The following EHD1 variants were observed in gnomAD, a reference collection of about 807,000 sequenced individuals.
EHD1 encodes the protein EH domain-containing protein 1.
Under a neutral mutation model 39.0 loss-of-function variants are expected in EHD1, and 19 were observed. The ratio of observed to expected loss-of-function variants is 0.49; its 90% CI spans 0.34 to 0.72. The LOEUF is 0.72. Among genes scored for constraint, EHD1 ranks in the 30% least tolerant of loss-of-function variants. The pLI is 0.01. For synonymous variants in EHD1, 323 were observed against 331.2 expected (o/e 0.98, Z 0.27); for missense variants, 542 against 751.5 (o/e 0.72, Z 3.26).
rs540082688 is a variant in EHD1, at chr11:64,863,697, G to A, written c.503-3361C>T. Among the ~76,000 whole-genome samples the A allele has an allele frequency of 4.0e-4, 61 of 152,320 alleles. 1 individual carries two copies. Among genetic ancestry groups the A allele is most frequent in the African/African-American group, 1.4e-3 (59 of 41,568 alleles). On this transcript the variant is annotated intron_variant, in intron 2 of 4. Coordinates refer to ENST00000320631, the MANE Select transcript of EHD1 (RefSeq NM_006795.4). Reference sequence around the variant, plus strand: ...TCTGTGAGCCCAAAGCCACAGGGGCGCGGAGCCCCTCCCCACACCTGGCGC... The same window carrying A: ...TCTGTGAGCCCAAAGCCACAGGGGCACGGAGCCCCTCCCCACACCTGGCGC...
At chr11:64,874,362 C>A in intron 2 of EHD1, 59 bp downstream of exon 2, 2 of 1,339,710 alleles carry the variant, frequency 1.5e-6, no homozygotes, top group Non-Finnish European at 2.1e-6. Context: ...AGTTGCAGAT[C>A]TTAGAGAGAA....
chr11:64,855,917 CCGCT>C (rs1323735584), intron 3 of EHD1: 10 of 31,224 alleles, frequency 3.2e-4, no homozygotes, highest in African/African-American at 5.2e-4. Flanking sequence ...CACACACCCT[CCGCT>C]CAACCCTCAC....
chr11:64,878,183 G>A lies in EHD1; in HGVS notation c.282C>T (p.Thr94=), dbSNP rs747071264. The change falls in exon 1 of 5, where the codon ACC becomes ACT. Residue 94 remains threonine, a synonymous_variant. Transcript: ENST00000320631. ...PGMRIGPEPT[T]DSFIAVMHGP... is the part of the protein sequence containing the mutation. Reference sequence around the variant, plus strand: ...CGTGCATGACGGCGATGAAGGAGTCGGTGGTGGGCTCGGGCCCGATGCGCA... The same window carrying A: ...CGTGCATGACGGCGATGAAGGAGTCAGTGGTGGGCTCGGGCCCGATGCGCA... 44 of 1,605,372 alleles carry A rather than the reference G, an allele frequency of 2.7e-5. No homozygotes were observed. The East Asian group carries it at 8.5e-4, about 31-fold the overall frequency.
rs1480062745 is a variant in EHD1 at position 64,878,518 on chromosome 11, G to A, written c.-54C>T. On this transcript the variant is annotated 5_prime_UTR_variant, in exon 1 of 5. Coordinates refer to ENST00000320631, the MANE Select transcript of EHD1 (RefSeq NM_006795.4). ...GGGCAGAGCGGCGGCTGAGAGCGGGGCGAGGGTGCGGAGCCGAGGCGGGGC... is the reference window on the plus strand; with the variant it reads ...GGGCAGAGCGGCGGCTGAGAGCGGGACGAGGGTGCGGAGCCGAGGCGGGGC... 2.0e-6 allele frequency: 3 copies of A among 1,533,490 alleles called. No homozygotes were observed. The highest frequency in any genetic ancestry group is 2.3e-5 in the East Asian group (1 of 43,170). 95.0% of individuals were successfully genotyped at this position (1,533,490 alleles called of 1,614,324 possible).
chr11:64,857,024 G>C lies in EHD1; in HGVS notation c.916-1538C>G, dbSNP rs191715621. Among the ~76,000 whole-genome samples, 697 of 152,344 alleles carry C rather than the reference G, an allele frequency of 4.6e-3. 12 individuals carry two copies. Among genetic ancestry groups the C allele is most frequent in the Non-Finnish European group, 3.4e-3 (229 of 68,036 alleles). On this transcript the variant is annotated intron_variant, in intron 3 of 4. Coordinates refer to ENST00000320631, the MANE Select transcript of EHD1 (RefSeq NM_006795.4). Reference sequence around the variant, plus strand: ...ACACCCACACCCCTCAGCTCAGGACGTCCTTTGTCCTTTGAGGCCAGGGTC... The same window carrying C: ...ACACCCACACCCCTCAGCTCAGGACCTCCTTTGTCCTTTGAGGCCAGGGTC...
intron 1 of EHD1, among the ~76,000 whole-genome samples, chr11:64,876,458 G>A (rs1352679859): frequency 6.6e-6 from 1 of 152,222 alleles, no homozygotes; most frequent in Non-Finnish European, 1.5e-5. Context: ...GGAAATAAAC[G>A]TGTGCCACCT....
At chr11:64,854,992 A>T (rs1335689718) in intron 4 of EHD1, 135 bp from the exon 5 acceptor site, 2 of 1,177,446 alleles carry the variant, frequency 1.7e-6, no homozygotes, top group Non-Finnish European at 2.4e-6. Flanking sequence ...CGGCAAAACC[A>T]TCTGGCCCTT....
Position 64,851,848 on chromosome 11 carries a change from C to G in EHD1, c.*2485G>C, listed in dbSNP as rs144850368. The G allele has an allele frequency of 1.3e-5, 2 of 152,350 alleles. No individual in the cohort carries two copies. Among genetic ancestry groups the G allele is most frequent in the South Asian group, 2.1e-4 (1 of 4,832 alleles). 9.4% of individuals were successfully genotyped at this position (152,350 alleles called of 1,614,324 possible). The stretch of plus-strand genomic sequence containing the variant: ...TATTTCGGCAGTCCTCAGTCTCGGA[C>G]TCTCCCTCTGTGAAATGGGGGAACA... On this transcript the variant is annotated 3_prime_UTR_variant, in exon 5 of 5. Coordinates refer to ENST00000320631, the MANE Select transcript of EHD1 (RefSeq NM_006795.4).
At chr11:64,855,106 TC>T in intron 4 of EHD1, 8 of 884,184 alleles carry the variant, frequency 9.0e-6, no homozygotes, top group East Asian at 2.7e-5. Flanking sequence ...GGCCCTGCCC[TC>T]CCCCCACCAC....
chr11:64,854,680 CG>C lies in EHD1; in HGVS notation c.1257del (p.Asn419LysfsTer54). The C allele has an allele frequency of 6.2e-7, 1 of 1,613,726 alleles. No homozygotes were observed. Among genetic ancestry groups the C allele is most frequent in the Non-Finnish European group, 8.5e-7 (1 of 1,179,968 alleles). On this transcript the variant is annotated frameshift_variant, in exon 5 of 5. Coordinates refer to ENST00000320631, the MANE Select transcript of EHD1 (RefSeq NM_006795.4). LOFTEE classifies it high-confidence loss of function. ...TCGCCGTAGCCGTGCCCGAACGGCC[CG>C]TTCATGGTGCCGTCAAAGGCGCCGC... Reference protein sequence around the residue: ...VKGGAFDGTMNGPFGHGYGEG... With the variant: ...VKGGAFDGTMXGPFGHGYGEG...
Position 64,865,343 on chromosome 11 carries a change from T to C in EHD1, c.503-5007A>G, listed in dbSNP as rs141685474. Among the ~76,000 whole-genome samples, 196 of 152,372 alleles carry C rather than the reference T, an allele frequency of 1.3e-3. 2 individuals are homozygous for C. Among genetic ancestry groups the C allele is most frequent in the African/African-American group, 4.7e-3 (195 of 41,582 alleles). On this transcript the variant is annotated intron_variant, in intron 2 of 4. Coordinates refer to ENST00000320631, the MANE Select transcript of EHD1 (RefSeq NM_006795.4). ...AGGCTACACTGCACAGCGGTAACAC[T>C]GAGCCACTCTCTAGATCAGAGCTGG...
intron 2 of EHD1, among the ~76,000 whole-genome samples, chr11:64,872,123 C>A (rs1037956293): frequency 6.6e-6 from 1 of 152,178 alleles, no homozygotes; most frequent in South Asian, 2.1e-4. Context: ...CAACCCCAGC[C>A]GAGCATGATG....
Position 64,874,573 on chromosome 11 carries a change from C to G in EHD1, c.405-55G>C, listed in dbSNP as rs1342867341. The G allele has an allele frequency of 2.8e-6, 4 of 1,419,120 alleles. No individual in the cohort carries two copies. In the Admixed American group the frequency reaches 9.6e-5, roughly 34 times the overall value. 87.9% of individuals were successfully genotyped at this position (1,419,120 alleles called of 1,614,324 possible). A position where few individuals can be genotyped will look rare whatever the true frequency, so the allele number is the denominator to read the frequency against. ...CGTCAAGACACAGTCATCACTGCTC[C>G]GGACACAACAAAGGGCTCTCTGTAC... On this transcript the variant is annotated intron_variant, in intron 1 of 4. Coordinates refer to ENST00000320631, the MANE Select transcript of EHD1 (RefSeq NM_006795.4).
intron 3 of EHD1, 124 bp downstream of exon 3, chr11:64,859,800 A>G (rs1592746377): frequency 1.5e-6 from 2 of 1,317,940 alleles, no homozygotes; most frequent in East Asian, 5.0e-5. Context: ...GAAACAGCGC[A>G]GTGCAGGTCT....
intron 2 of EHD1, among the ~76,000 whole-genome samples, chr11:64,862,617 G>T (rs761287475): frequency 1.3e-5 from 2 of 152,192 alleles, no homozygotes; most frequent in Non-Finnish European, 2.9e-5. Flanking sequence ...CAGCGGTTTT[G>T]AATCCTATAT....
chr11:64,877,170 A>C (rs554023044), intron 1 of EHD1, among the ~76,000 whole-genome samples: 56 of 152,150 alleles, frequency 3.7e-4, no homozygotes, highest in African/African-American at 1.3e-3. Context: ...GGGGGTTGGG[A>C]CGGGCATGTC....
At chr11:64,855,856 T>C (rs1943646138) in intron 3 of EHD1, 1 of 250,182 alleles carries the variant, frequency 4.0e-6, no homozygotes, top group Non-Finnish European at 7.9e-6. Flanking sequence ...ACACCCTCTG[T>C]TCAACCCTCA....
At chr11:64,857,521 A>G (rs1943666418) in intron 3 of EHD1, among the ~76,000 whole-genome samples, 1 of 152,214 alleles carries the variant, frequency 6.6e-6, no homozygotes, top group Non-Finnish European at 1.5e-5. Flanking sequence ...CCGTGCACAC[A>G]GCTCACGGAG....
intron 1 of EHD1, 137 bp from the exon 2 acceptor site, chr11:64,874,655 C>G: frequency 1.5e-6 from 1 of 676,652 alleles, no homozygotes; most frequent in Non-Finnish European, 2.3e-6. Context: ...AGGTGGTTTT[C>G]TATCGTCTTA....
Sources: allele counts gnomAD v4.1 joint callset (sites outside exome capture counted in the v4.1 genomes callset), GRCh38; gene constraint gnomAD v4.1.1; transcripts MANE v1.5; gene names NCBI Gene and HGNC (gene_info 2026-07-23, HGNC 2026-07-21).